PCDH9: variants seen among roughly 807,000 people sequenced by gnomAD.
PCDH9 encodes the protein protocadherin-9.
PCDH9 carries 24 observed loss-of-function variants against 70.6 expected under a neutral mutation model. The observed-to-expected ratio is 0.34, with a 90% CI of 0.25 to 0.48. The LOEUF is 0.48. PCDH9 is among the 20% of genes least tolerant of loss of function. PCDH9 has a pLI of 0.99. For missense variants in PCDH9, 1,281 were observed against 1,503.6 expected (o/e 0.85, Z 2.45); for synonymous variants, 562 against 558.5 (o/e 1.01, Z -0.09).
At chr13:67,214,877 T>C (rs1246086119) in intron 2 of PCDH9, 1 of 141,984 alleles carries the variant, frequency 7.0e-6, no homozygotes, top group Non-Finnish European at 1.5e-5. Flanking sequence ...GCTGGTATTC[T>C]TGGACAGGAG....
intron 2 of PCDH9, among the ~76,000 whole-genome samples, chr13:67,112,649 C>CCCTCCCTCCCTT (rs559376502): frequency 0.019 from 2,938 of 150,710 alleles, 91 homozygotes; most frequent in South Asian, 0.055. Context: ...CTTTCTCTCT[C>CCCTCCCTCCCTT]CCTCCCTCCC....
At chr13:66,899,495 T>A (rs2139589075) in intron 3 of PCDH9, among the ~76,000 whole-genome samples, 1 of 152,134 alleles carries the variant, frequency 6.6e-6, no homozygotes, top group South Asian at 2.1e-4. Context: ...TAAACCATTT[T>A]GTAAAATATT....
At position 66,580,438 on chromosome 13, in the gene PCDH9, A is replaced by G. The variant is rs528205285; in HGVS notation, c.3340+50772T>C. ...GTTAAATAAGTATATGTCTGTTATC[A>G]GCATAAATGCATGTGTAGAAAGTCA... On this transcript the variant is annotated intron_variant, in intron 4 of 4. Transcript: ENST00000377865. Among the ~76,000 whole-genome samples the G allele has an allele frequency of 2.0e-5, 3 of 152,090 alleles. No homozygotes were observed. In the South Asian group the frequency reaches 6.3e-4, roughly 32 times the overall value.
At chr13:66,730,081 C>T (rs2079052900) in intron 3 of PCDH9, among the ~76,000 whole-genome samples, 1 of 152,248 alleles carries the variant, frequency 6.6e-6, no homozygotes, top group East Asian at 1.9e-4. Context: ...CCTATAGCCC[C>T]ATTATACTAC....
At chr13:66,608,542 AG>A (rs2077250676) in intron 4 of PCDH9, among the ~76,000 whole-genome samples, 1 of 152,052 alleles carries the variant, frequency 6.6e-6, no homozygotes, top group South Asian at 2.1e-4. Context: ...TAAGAGGACA[AG>A]TCGCATCATT....
rs114914893 is a variant in PCDH9, at chr13:66,673,327, G to A, written c.3139-41916C>T. ...TAAGACACGCCTTTGCTCCTCCTTC[G>A]TTCCTCCTTCCCCTTCTTCCATGAT... is the stretch of plus-strand genomic sequence containing the variant. On this transcript the variant is annotated intron_variant, in intron 3 of 4. Transcript: ENST00000377865. Among the ~76,000 whole-genome samples, 370 of 152,126 alleles carry A rather than the reference G, an allele frequency of 2.4e-3. 1 individual carries two copies. The highest frequency in any genetic ancestry group is 8.3e-3 in the African/African-American group (345 of 41,494).
chr13:66,734,392 G>T (rs2079117235), intron 3 of PCDH9, among the ~76,000 whole-genome samples: 1 of 152,132 alleles, frequency 6.6e-6, no homozygotes, highest in South Asian at 2.1e-4. Flanking sequence ...TAATTTTAGT[G>T]TATCTTTTCC....
chr13:66,677,675 T>C (rs1220304626), intron 3 of PCDH9, among the ~76,000 whole-genome samples: 1 of 152,122 alleles, frequency 6.6e-6, no homozygotes, highest in East Asian at 1.9e-4. Flanking sequence ...CATCATGTGA[T>C]GTGCCTCTTC....
At chr13:66,621,842 T>C (rs751309450) in intron 4 of PCDH9, among the ~76,000 whole-genome samples, 2 of 152,230 alleles carry the variant, frequency 1.3e-5, no homozygotes, top group African/African-American at 2.4e-5. Context: ...GCTCCCACTT[T>C]GGTGGCACTT....
chr13:66,922,684 A>G (rs1225354553), intron 2 of PCDH9, among the ~76,000 whole-genome samples: 2 of 151,432 alleles, frequency 1.3e-5, no homozygotes, highest in East Asian at 3.9e-4. Context: ...ATGATTTATA[A>G]TGCTATCTGT....
intron 4 of PCDH9, among the ~76,000 whole-genome samples, chr13:66,459,919 T>C (rs1958391562): frequency 6.6e-6 from 1 of 151,918 alleles, no homozygotes; most frequent in Non-Finnish European, 1.5e-5. Flanking sequence ...TCACGTAGAA[T>C]ATCATTATCT....
intron 3 of PCDH9, among the ~76,000 whole-genome samples, chr13:66,805,012 G>A (rs1184243324): frequency 2.0e-5 from 3 of 152,090 alleles, no homozygotes; most frequent in Non-Finnish European, 4.4e-5. Flanking sequence ...ATCCATGGAA[G>A]GGGTAGTTTG....
At chr13:67,199,046 T>G (rs973502124) in intron 2 of PCDH9, among the ~76,000 whole-genome samples, 4 of 151,640 alleles carry the variant, frequency 2.6e-5, no homozygotes, top group African/African-American at 9.7e-5. Context: ...AAAATCTGAT[T>G]GTATAAAAGA....
intron 2 of PCDH9, among the ~76,000 whole-genome samples, chr13:67,026,313 G>A (rs552027346): frequency 1.1e-4 from 17 of 151,986 alleles, no homozygotes; most frequent in Admixed American, 9.2e-4. Flanking sequence ...TCTCTTTTTT[G>A]GTTGTGTCTC....
intron 3 of PCDH9, among the ~76,000 whole-genome samples, chr13:66,787,681 T>C (rs768200062): frequency 3.9e-5 from 6 of 152,114 alleles, no homozygotes; most frequent in Non-Finnish European, 7.4e-5. Context: ...TTAGTAATTA[T>C]TGAATGATAC....
At chr13:66,681,969 T>TATATATATATATATATATATATATATA (rs1184051895) in intron 3 of PCDH9, among the ~76,000 whole-genome samples, 2 of 52,472 alleles carry the variant, frequency 3.8e-5, no homozygotes, top group African/African-American at 2.0e-4. Context: ...ATATATATAT[T>TATATATATATATATATATATATATATA]TGAGAGATTT....
chr13:67,113,603 G>A (rs1043721450), intron 2 of PCDH9, among the ~76,000 whole-genome samples: 24 of 151,440 alleles, frequency 1.6e-4, no homozygotes, highest in African/African-American at 5.1e-4. Context: ...GCTGGAGTGC[G>A]GTGGCGCCAT....
At chr13:67,106,533 A>T (rs1456462699) in intron 2 of PCDH9, among the ~76,000 whole-genome samples, 1 of 152,218 alleles carries the variant, frequency 6.6e-6, no homozygotes, top group Non-Finnish European at 1.5e-5. Flanking sequence ...TCTAATTTTA[A>T]TATGGTATCA....
chr13:66,443,931 C>A (rs1445835082), intron 4 of PCDH9, among the ~76,000 whole-genome samples: 1 of 151,974 alleles, frequency 6.6e-6, no homozygotes, highest in Non-Finnish European at 1.5e-5. Flanking sequence ...TTTCAAATTT[C>A]TTGTACATTC....
Sources: allele counts gnomAD v4.1 joint callset (sites outside exome capture counted in the v4.1 genomes callset), GRCh38; gene constraint gnomAD v4.1.1; transcripts MANE v1.5; gene names NCBI Gene and HGNC (gene_info 2026-07-23, HGNC 2026-07-21).